The following PARG variants were observed in gnomAD, a reference collection of about 807,000 sequenced individuals.
PARG encodes the protein poly(ADP-ribose) glycohydrolase, also known as mitochondrial poly(ADP-ribose) glycohydrolase.
In PARG, 35 loss-of-function variants were observed where a neutral mutation model predicts 113.0. The observed-to-expected ratio is 0.31, with a 90% CI of 0.24 to 0.41. The LOEUF is 0.41. Ranked by LOEUF, PARG falls within the 10% of genes least tolerant of loss-of-function variation. PARG has a pLI of 1.00. For missense variants in PARG, 797 were observed against 1,169.4 expected (o/e 0.68, Z 4.64); for synonymous variants, 330 against 409.9 (o/e 0.81, Z 2.36).
In PARG at chr10:49,920,099, T is replaced by A. The variant is rs558309175; in HGVS notation, c.1662+2237A>T. Among the ~76,000 whole-genome samples, 196 of 152,050 alleles carry A rather than the reference T, an allele frequency of 1.3e-3. 1 individual carries two copies. Among genetic ancestry groups the A allele is most frequent in the African/African-American group, 4.5e-3 (185 of 41,464 alleles). On this transcript the variant is annotated intron_variant, in intron 6 of 17. Coordinates refer to ENST00000616448, the MANE Select transcript of PARG (RefSeq NM_003631.5). ...AAATGATGGTTCATTATACCTGAAA[T>A]TTTAAAAAAAATCACACTGATATAG... is the stretch of plus-strand genomic sequence containing the variant.
intron 7 of PARG, among the ~76,000 whole-genome samples, chr10:49,891,636 T>A (rs1554841609): frequency 2.3e-5 from 3 of 129,674 alleles, no homozygotes; most frequent in African/African-American, 8.9e-5. Flanking sequence ...TTTTTTTTTT[T>A]TTTTTTTTTT....
intron 6 of PARG, among the ~76,000 whole-genome samples, chr10:49,917,455 C>T: frequency 6.9e-6 from 1 of 145,628 alleles, no homozygotes; most frequent in Non-Finnish European, 1.5e-5. Flanking sequence ...TGCCACTGCA[C>T]TCCAGCCTGG....
intron 1 of PARG, among the ~76,000 whole-genome samples, chr10:49,939,460 T>C (rs1838910955): frequency 6.6e-6 from 1 of 152,248 alleles, no homozygotes; most frequent in African/African-American, 2.4e-5. Context: ...ATATGGCTTA[T>C]TTGCCAGGTT....
chr10:49,857,489 A>G, intron 12 of PARG, 36 bp from the exon 13 acceptor site: 3 of 1,567,896 alleles, frequency 1.9e-6, no homozygotes, highest in Non-Finnish European at 2.6e-6. Flanking sequence ...ATAATGGTCA[A>G]AAATACCTAC....
chr10:49,935,712 T>C (rs1449014808), intron 1 of PARG, among the ~76,000 whole-genome samples: 1 of 152,152 alleles, frequency 6.6e-6, no homozygotes, highest in Non-Finnish European at 1.5e-5. Context: ...AGGTAAGGCT[T>C]GACTTATGCC....
In PARG at chr10:49,934,066, T is replaced by G; in HGVS notation, c.382A>C (p.Asn128His). ...TTATCAAGACTTAGCTGAGAAACATTTTCTAATTTTTCTACATTATGTTGG... is the reference window on the plus strand; with the variant it reads ...TTATCAAGACTTAGCTGAGAAACATGTTCTAATTTTTCTACATTATGTTGG... ...FYQHNVEKLE[N>H]VSQLSLDKSP... The change falls in exon 3 of 18, where the codon AAT (asparagine) becomes CAT (histidine). Residue 128 changes from asparagine (N) to histidine (H), a missense_variant. By Grantham distance (68) the Asn-to-His change is moderately conservative. Transcript: ENST00000616448. 5.8e-6 allele frequency: 9 copies of G among 1,552,516 alleles called. No homozygotes were observed. Among genetic ancestry groups the G allele is most frequent in the Non-Finnish European group, 8.0e-6 (9 of 1,123,780 alleles).
At position 49,852,554 on chromosome 10, in the gene PARG, TTTC is replaced by T. The variant is rs567031197; in HGVS notation, c.2353+4749_2353+4751del. 1.4e-3 allele frequency among the ~76,000 whole-genome samples: 180 copies of T among 124,952 alleles called. 4 individuals are homozygous for T. The highest frequency in any genetic ancestry group is 2.7e-3 in the Non-Finnish European group (145 of 54,686). 82.0% of individuals were successfully genotyped at this position (124,952 alleles called of 152,430 possible). A position where few individuals can be genotyped will look rare whatever the true frequency, so the allele number is the denominator to read the frequency against. On this transcript the variant is annotated intron_variant, in intron 13 of 17. Coordinates refer to ENST00000616448, the MANE Select transcript of PARG (RefSeq NM_003631.5). ...TGGAGGATGACAATGTACTGGCTAC[TTTC>T]TTCTTCTTCTTTTTTTCTTTTTTTT...
chr10:49,834,174 ATC>A (rs1564599416), intron 15 of PARG, among the ~76,000 whole-genome samples: 2 of 152,194 alleles, frequency 1.3e-5, no homozygotes. Flanking sequence ...GGTCAAAAAA[ATC>A]TGAGAGCTCC....
chr10:49,941,909 C>A lies in PARG; in HGVS notation c.-184G>T. The A allele has an allele frequency of 2.6e-6, 3 of 1,165,578 alleles. No individual in the cohort carries two copies. The highest frequency in any genetic ancestry group is 3.7e-6 in the Non-Finnish European group (3 of 805,674). 72.2% of individuals were successfully genotyped at this position (1,165,578 alleles called of 1,614,324 possible). A position where few individuals can be genotyped will look rare whatever the true frequency, so the allele number is the denominator to read the frequency against. On this transcript the variant is annotated 5_prime_UTR_variant, in exon 1 of 18. Transcript: ENST00000616448. ...AAGTCAGGCCGTAAACACTCGCCTG[C>A]CTTCCCTCTTCCACTGGCACCCCAC...
At chr10:49,921,041 A>G (rs1837840718) in intron 6 of PARG, among the ~76,000 whole-genome samples, 2 of 152,092 alleles carry the variant, frequency 1.3e-5, no homozygotes, top group African/African-American at 4.8e-5. Flanking sequence ...ATATATGGAT[A>G]GGGAATGGGG....
intron 16 of PARG, among the ~76,000 whole-genome samples, chr10:49,831,116 T>C (rs1844637926): frequency 6.6e-6 from 1 of 152,134 alleles, no homozygotes; most frequent in African/African-American, 2.4e-5. Context: ...ATAGAGGGTG[T>C]CACTTCATCA....
In PARG at chr10:49,935,127, G is replaced by C; in HGVS notation, c.233C>G (p.Thr78Ser). ...SATSLVFKQKTITSWMDTKGI... is the reference protein window; with the variant it reads ...SATSLVFKQKSITSWMDTKGI... ...TTTAGTGTCCATCCAACTGGTAATAGTCTTTTGTTTGAAAACTATAAAAAA... is the reference window on the plus strand; with the variant it reads ...TTTAGTGTCCATCCAACTGGTAATACTCTTTTGTTTGAAAACTATAAAAAA... Residue 78 changes from threonine to serine, a missense_variant, in exon 2 of 18, where the codon ACT (threonine) becomes AGT (serine). Physicochemically the swap from Thr to Ser is moderately conservative, Grantham distance 58 (BLOSUM62 1). This residue lies in a region of PARG where 284 missense variants were observed against 306.1 expected (regional missense o/e 0.93). Transcript: ENST00000616448. 1 of 769,080 alleles carries C rather than the reference G, an allele frequency of 1.3e-6. No individual in the cohort carries two copies. The highest frequency in any genetic ancestry group is 2.3e-6 in the Non-Finnish European group (1 of 441,194). The allele number at this position is 769,080 out of a possible 1,614,324, so 47.6% of individuals were successfully genotyped here.
chr10:49,823,495 C>T (rs1844209304), intron 16 of PARG, among the ~76,000 whole-genome samples: 1 of 151,968 alleles, frequency 6.6e-6, no homozygotes, highest in South Asian at 2.1e-4. Context: ...ATGACTATGC[C>T]TCATTAATCT....
At chr10:49,892,740 AG>A (rs1267860349) in intron 7 of PARG, among the ~76,000 whole-genome samples, 1 of 152,040 alleles carries the variant, frequency 6.6e-6, no homozygotes, top group Non-Finnish European at 1.5e-5. Flanking sequence ...ATGCGTTTTG[AG>A]GTAAGTTGCA....
At chr10:49,821,319 G>A (rs1229747545) in intron 16 of PARG, among the ~76,000 whole-genome samples, 4 of 152,060 alleles carry the variant, frequency 2.6e-5, no homozygotes, top group African/African-American at 7.2e-5. Context: ...ATGCCCTTTC[G>A]CTAGTTATAA....
At chr10:49,842,246 T>A (rs1233563534) in intron 14 of PARG, among the ~76,000 whole-genome samples, 188 bp from the exon 15 acceptor site, 1 of 152,226 alleles carries the variant, frequency 6.6e-6, no homozygotes, top group Non-Finnish European at 1.5e-5. Flanking sequence ...ATATACAGTG[T>A]GCACTGTCAG....
rs560817963 is a variant in PARG, at chr10:49,869,564, T to C, written c.1989-9A>G. The C allele has an allele frequency of 5.2e-5, 69 of 1,339,596 alleles. No individual in the cohort carries two copies. The African/African-American group carries it at 9.4e-4, about 18-fold the overall frequency. 83.0% of individuals were successfully genotyped at this position (1,339,596 alleles called of 1,614,324 possible). ...AACGTCCCTCAAACAATCTAAGAGA[T>C]AAAAAATAAAAGAGAATGGAAGATA... On this transcript the variant is annotated splice_polypyrimidine_tract_variant and intron_variant, in intron 9 of 17. Transcript: ENST00000616448.
At chr10:49,826,263 G>A (rs1176843916) in intron 16 of PARG, among the ~76,000 whole-genome samples, 4 of 152,240 alleles carry the variant, frequency 2.6e-5, no homozygotes, top group African/African-American at 7.2e-5. Context: ...GAGAGACCAA[G>A]AGAGTGTGAT....
At chr10:49,896,711 A>G (rs1554842839) in intron 7 of PARG, among the ~76,000 whole-genome samples, 1 of 152,344 alleles carries the variant, frequency 6.6e-6, no homozygotes, top group South Asian at 2.1e-4. Flanking sequence ...AACTCTGCTT[A>G]GTAATCATGT....
Sources: gnomAD v4.1 joint callset for allele counts (sites outside exome capture counted in the v4.1 genomes callset) on GRCh38, gnomAD v4.1.1 for gene constraint, gnomAD v4.1.1 regional missense constraint, MANE v1.5 for transcripts, NCBI Gene and HGNC (gene_info 2026-07-23, HGNC 2026-07-21) for gene names.